PHF14: variants seen among roughly 807,000 people sequenced by gnomAD.
The protein encoded by PHF14 is PHD finger protein 14.
Under a neutral mutation model 117.9 loss-of-function variants are expected in PHF14, and 55 were observed. That is an observed-to-expected ratio of 0.47 (90% CI 0.38 to 0.58). The LOEUF is 0.58. PHF14 is among the 20% of genes least tolerant of loss of function. The probability of loss-of-function intolerance (pLI) is 0.00; values close to 1 mark genes in which losing one functional copy is unlikely to be tolerated. For synonymous variants in PHF14, 409 were observed against 368.6 expected, an observed-to-expected ratio of 1.11 and a Z score of -1.26; for missense variants, 978 against 1,122.2, an observed-to-expected ratio of 0.87 and a Z score of 1.84.
chr7:11,097,544 G>C (rs1398839892), intron 16 of PHF14, among the ~76,000 whole-genome samples: 1 of 152,098 alleles, frequency 6.6e-6, no homozygotes, highest in African/African-American at 2.4e-5. Context: ...AGGAATTTGA[G>C]ATATTGAGCT....
intron 17 of PHF14, among the ~76,000 whole-genome samples, chr7:11,161,607 A>AT (rs1346578865): frequency 6.7e-6 from 1 of 148,384 alleles, no homozygotes; most frequent in Admixed American, 6.7e-5. Flanking sequence ...TTATTTTTAG[A>AT]TTTTAGATAA....
chr7:11,103,290 T>A, intron 16 of PHF14: 1 of 854,992 alleles, frequency 1.2e-6, no homozygotes, highest in Non-Finnish European at 1.4e-6. Context: ...CCCAAATATA[T>A]TCAGTCCTTA....
At chr7:11,070,336 C>G (rs918224685) in intron 16 of PHF14, among the ~76,000 whole-genome samples, 1 of 152,178 alleles carries the variant, frequency 6.6e-6, no homozygotes, top group African/African-American at 2.4e-5. Context: ...CCTCAGCCTC[C>G]CAAAGTGGTG....
At chr7:11,052,448 A>G (rs547742708) in intron 14 of PHF14, among the ~76,000 whole-genome samples, 21 of 152,268 alleles carry the variant, frequency 1.4e-4, no homozygotes, top group Non-Finnish European at 2.4e-4. Flanking sequence ...TGTTTAAAAT[A>G]TTCCTATAAA....
intron 5 of PHF14, among the ~76,000 whole-genome samples, chr7:11,017,841 C>G (rs1783585755): frequency 1.3e-5 from 2 of 152,094 alleles, no homozygotes; most frequent in Admixed American, 1.3e-4. Context: ...AAATTTTACC[C>G]AGAGCAATGT....
At chr7:11,161,326 C>T (rs1012500235) in intron 17 of PHF14, among the ~76,000 whole-genome samples, 1 of 152,082 alleles carries the variant, frequency 6.6e-6, no homozygotes, top group African/African-American at 2.4e-5. Context: ...GAAGGATAAA[C>T]AAAATGCTGT....
intron 4 of PHF14, among the ~76,000 whole-genome samples, chr7:10,995,937 C>G (rs1246048037): frequency 1.3e-5 from 2 of 152,254 alleles, no homozygotes; most frequent in Admixed American, 6.5e-5. Context: ...GCTGAGGGAG[C>G]TGGCTCCACC....
At chr7:11,153,624 G>C (rs955647610) in intron 17 of PHF14, among the ~76,000 whole-genome samples, 1 of 152,026 alleles carries the variant, frequency 6.6e-6, no homozygotes. Context: ...GGATAGCAGA[G>C]TTCTAAGGAC....
rs1024465791 is a variant in PHF14 at position 11,103,415 on chromosome 7, C to T, written c.2655-7935C>T. ...GATTATTGACTATACAACCTACCAGCTGAAAGAAAGATCTTCATCAACATC... is the reference window on the plus strand; with the variant it reads ...GATTATTGACTATACAACCTACCAGTTGAAAGAAAGATCTTCATCAACATC... On this transcript the variant is annotated intron_variant, in intron 16 of 17. Coordinates refer to ENST00000634607, the MANE Select transcript of PHF14 (RefSeq NM_001007157.2). The T allele has an allele frequency of 6.1e-6, 6 of 981,348 alleles. No individual in the cohort carries two copies. In the African/African-American group the frequency reaches 1.1e-4, roughly 17 times the overall value. The allele number at this position is 981,348 out of a possible 1,614,324, so 60.8% of individuals were successfully genotyped here.
At chr7:11,078,974 G>A (rs1785975556) in intron 16 of PHF14, among the ~76,000 whole-genome samples, 1 of 151,886 alleles carries the variant, frequency 6.6e-6, no homozygotes, top group South Asian at 2.1e-4. Flanking sequence ...TATCTATGTA[G>A]CTACTAATGT....
chr7:11,004,892 C>T (rs191443555), intron 4 of PHF14, among the ~76,000 whole-genome samples: 1 of 152,028 alleles, frequency 6.6e-6, no homozygotes, highest in African/African-American at 2.4e-5. Context: ...AAAAATTAGC[C>T]TGTAATCCCA....
intron 17 of PHF14, among the ~76,000 whole-genome samples, chr7:11,139,096 T>C (rs1562482994): frequency 6.6e-6 from 1 of 152,178 alleles, no homozygotes; most frequent in African/African-American, 2.4e-5. Context: ...TTTATATACA[T>C]ATGAAAAATT....
intron 16 of PHF14, chr7:11,108,768 T>G (rs929046320): frequency 6.6e-6 from 1 of 151,786 alleles, no homozygotes; most frequent in African/African-American, 2.4e-5. Context: ...TGTTCTTGGT[T>G]TATTAGCTGG....
chr7:11,134,422 A>G (rs907869149), intron 17 of PHF14, among the ~76,000 whole-genome samples: 2 of 152,096 alleles, frequency 1.3e-5, no homozygotes, highest in African/African-American at 4.8e-5. Flanking sequence ...TAAAGATTTC[A>G]TGGAGTAAAG....
At chr7:11,141,310 T>C (rs1388344438) in intron 17 of PHF14, among the ~76,000 whole-genome samples, 1 of 152,078 alleles carries the variant, frequency 6.6e-6, no homozygotes, top group Non-Finnish European at 1.5e-5. Flanking sequence ...AGAAGGATTG[T>C]TAATGAATTG....
intron 16 of PHF14, among the ~76,000 whole-genome samples, chr7:11,067,288 A>C (rs1785456932): frequency 6.6e-6 from 1 of 152,248 alleles, no homozygotes; most frequent in African/African-American, 2.4e-5. Flanking sequence ...GCTAGTTATC[A>C]TTAAAATAAA....
chr7:11,081,715 G>C (rs1035523488), intron 16 of PHF14, among the ~76,000 whole-genome samples: 2 of 151,966 alleles, frequency 1.3e-5, no homozygotes, highest in South Asian at 4.1e-4. Flanking sequence ...AATTAGCGGG[G>C]TGTGGTGGCA....
intron 4 of PHF14, among the ~76,000 whole-genome samples, chr7:11,000,294 T>C (rs1031863468): frequency 8.6e-5 from 13 of 151,806 alleles, no homozygotes; most frequent in African/African-American, 3.1e-4. Flanking sequence ...TTAGACTTTC[T>C]GTTGTATGAT....
At chr7:11,006,778 A>G in intron 4 of PHF14, 1 of 792,478 alleles carries the variant, frequency 1.3e-6, no homozygotes, top group Non-Finnish European at 2.2e-6. Flanking sequence ...GGCTGTGGAC[A>G]CCTTTCAACA....
Sources: gnomAD v4.1 joint callset for allele counts (sites outside exome capture counted in the v4.1 genomes callset) on GRCh38, gnomAD v4.1.1 for gene constraint, MANE v1.5 for transcripts, NCBI Gene and HGNC (gene_info 2026-07-23, HGNC 2026-07-21) for gene names.